MARCHF1: variants seen among roughly 807,000 people sequenced by gnomAD.
MARCHF1 encodes E3 ubiquitin-protein ligase MARCHF1.
In MARCHF1, 40 loss-of-function variants were observed where a neutral mutation model predicts 54.2. The observed-to-expected ratio is 0.74, with a 90% CI of 0.57 to 0.96. The LOEUF (loss-of-function observed/expected upper bound fraction) is 0.96. Ranked by LOEUF, MARCHF1 falls within the 40% of genes least tolerant of loss-of-function variation. MARCHF1 has a pLI of 0.00. For synonymous variants in MARCHF1, 236 were observed against 236.3 expected (o/e 1.00, Z 0.01); for missense variants, 586 against 656.5 (o/e 0.89, Z 1.17).
Position 164,161,826 on chromosome 4 carries a change from T to C in MARCHF1, c.-322-50164A>G, listed in dbSNP as rs1405447221. 3.3e-5 allele frequency among the ~76,000 whole-genome samples: 5 copies of C among 152,152 alleles called. No homozygotes were observed. The East Asian group carries it at 7.7e-4, about 23-fold the overall frequency. ...CCTTGCTGCTATGAAACAGTAATAA[T>C]TCTTAGCCACCCGTTATATGGTCCA... On this transcript the variant is annotated intron_variant, in intron 1 of 9. Transcript: ENST00000514618.
intron 1 of MARCHF1, among the ~76,000 whole-genome samples, chr4:164,146,812 A>C (rs1246757476): frequency 1.3e-5 from 2 of 152,120 alleles, no homozygotes; most frequent in Middle Eastern, 6.3e-3. Context: ...CAGAAGCCAA[A>C]ATTGACAAAT....
chr4:163,778,287 A>G (rs184272008), intron 4 of MARCHF1, among the ~76,000 whole-genome samples: 3 of 152,294 alleles, frequency 2.0e-5, no homozygotes, highest in Non-Finnish European at 4.4e-5. Context: ...TACCTAGGAG[A>G]CAAATTGGTG....
intron 2 of MARCHF1, among the ~76,000 whole-genome samples, chr4:164,107,900 G>GAA (rs1184619248): frequency 6.6e-6 from 1 of 151,956 alleles, no homozygotes; most frequent in Non-Finnish European, 1.5e-5. Context: ...TCAAAAATTG[G>GAA]AAAATCTCAC....
chr4:163,879,804 C>CGTGTGTGTAT (rs1750374583), intron 3 of MARCHF1, among the ~76,000 whole-genome samples: 1 of 148,378 alleles, frequency 6.7e-6, no homozygotes, highest in African/African-American at 2.5e-5. Flanking sequence ...GATTTAGAGG[C>CGTGTGTGTAT]GTGTGTGTGT....
At chr4:163,982,279 C>T in intron 3 of MARCHF1, among the ~76,000 whole-genome samples, 1 of 152,164 alleles carries the variant, frequency 6.6e-6, no homozygotes, top group East Asian at 1.9e-4. Context: ...GAGAATTAGC[C>T]TTTCTACCCC....
chr4:164,380,833 G>C (rs1214027869), intron 1 of MARCHF1, among the ~76,000 whole-genome samples: 1 of 152,162 alleles, frequency 6.6e-6, no homozygotes, highest in African/African-American at 2.4e-5. Context: ...CTACAGGAAA[G>C]TGAAAGCTAC....
intron 8 of MARCHF1, among the ~76,000 whole-genome samples, chr4:163,565,074 A>C (rs1238069248): frequency 2.6e-5 from 4 of 152,204 alleles, no homozygotes; most frequent in Non-Finnish European, 4.4e-5. Context: ...TCCTCAAACC[A>C]TGAGAAAGCT....
intron 3 of MARCHF1, among the ~76,000 whole-genome samples, chr4:163,894,831 ATG>A (rs1353402423): frequency 9.9e-4 from 52 of 52,726 alleles, no homozygotes; most frequent in Non-Finnish European, 1.7e-3. Flanking sequence ...GCATATATAT[ATG>A]CATGTGATGC....
chr4:163,635,728 T>A (rs1017960801), intron 5 of MARCHF1, among the ~76,000 whole-genome samples: 12 of 152,028 alleles, frequency 7.9e-5, no homozygotes, highest in African/African-American at 2.9e-4. Flanking sequence ...GAGGGAATCC[T>A]CCCTAACTCA....
At chr4:163,920,491 T>C (rs554168750) in intron 3 of MARCHF1, among the ~76,000 whole-genome samples, 1 of 152,330 alleles carries the variant, frequency 6.6e-6, no homozygotes, top group Admixed American at 6.5e-5. Flanking sequence ...TTTGCTGTAC[T>C]TACTCCAGCC....
At chr4:163,967,731 T>C (rs1390047254) in intron 3 of MARCHF1, among the ~76,000 whole-genome samples, 1 of 152,126 alleles carries the variant, frequency 6.6e-6, no homozygotes, top group African/African-American at 2.4e-5. Context: ...GGGAATTTGT[T>C]ATAAAAGTTT....
intron 1 of MARCHF1, among the ~76,000 whole-genome samples, chr4:164,381,515 A>T (rs983691039): frequency 2.6e-5 from 4 of 152,160 alleles, no homozygotes; most frequent in Admixed American, 1.3e-4. Flanking sequence ...CTCAATATAC[A>T]TTTTTATTTA....
chr4:163,539,751 C>T (rs1738664915), intron 9 of MARCHF1, among the ~76,000 whole-genome samples: 1 of 152,108 alleles, frequency 6.6e-6, no homozygotes, highest in Non-Finnish European at 1.5e-5. Context: ...TCAGAAATCC[C>T]ATCAAAAAAT....
At chr4:163,744,926 C>T (rs1746312339) in intron 4 of MARCHF1, among the ~76,000 whole-genome samples, 1 of 151,898 alleles carries the variant, frequency 6.6e-6, no homozygotes, top group Non-Finnish European at 1.5e-5. Flanking sequence ...ATACATTTTT[C>T]CCTACTAAAT....
intron 7 of MARCHF1, among the ~76,000 whole-genome samples, chr4:163,609,417 G>A (rs563708979): frequency 2.0e-5 from 3 of 151,946 alleles, no homozygotes; most frequent in Non-Finnish European, 4.4e-5. Context: ...CTCTGAGATT[G>A]TCCTCATTCA....
At chr4:164,328,612 C>A (rs146981129) in intron 1 of MARCHF1, among the ~76,000 whole-genome samples, 2,126 of 152,076 alleles carry the variant, frequency 0.014, 45 homozygotes, top group African/African-American at 0.048. Context: ...TCACTGCAAC[C>A]TCTGCCTCCT....
chr4:164,209,466 A>G (rs1274273315), intron 1 of MARCHF1, among the ~76,000 whole-genome samples: 2 of 152,152 alleles, frequency 1.3e-5, no homozygotes, highest in Admixed American at 6.5e-5. Flanking sequence ...GGAGCACCCA[A>G]CAAGAGGAGG....
At chr4:164,002,054 G>C (rs1398462255) in intron 2 of MARCHF1, among the ~76,000 whole-genome samples, 1 of 151,496 alleles carries the variant, frequency 6.6e-6, no homozygotes, top group Non-Finnish European at 1.5e-5. Flanking sequence ...CCTAAATAAA[G>C]ATTAAAACAA....
chr4:163,700,398 A>C (rs1348335642), intron 5 of MARCHF1, among the ~76,000 whole-genome samples: 1 of 151,850 alleles, frequency 6.6e-6, no homozygotes, highest in Non-Finnish European at 1.5e-5. Context: ...CCAGCTACTC[A>C]GGAGGCTGAG....
Sources: gnomAD v4.1 joint callset for allele counts (sites outside exome capture counted in the v4.1 genomes callset) on GRCh38, gnomAD v4.1.1 for gene constraint, MANE v1.5 for transcripts, NCBI Gene and HGNC (gene_info 2026-07-23, HGNC 2026-07-21) for gene names.